CUX1: variants seen among roughly 807,000 people sequenced by gnomAD.
CUX1 encodes protein CASP.
Under a neutral mutation model 158.8 loss-of-function variants are expected in CUX1, and 31 were observed. The ratio of observed to expected loss-of-function variants is 0.20; its 90% CI spans 0.15 to 0.26. CUX1 has a LOEUF of 0.26. Ranked by LOEUF, CUX1 falls within the 10% of genes least tolerant of loss-of-function variation. CUX1 has a pLI of 1.00. For synonymous variants in CUX1, 879 were observed against 862.1 expected (o/e 1.02, Z -0.34); for missense variants, 1,589 against 2,014.6 (o/e 0.79, Z 4.04).
Position 102,257,579 on chromosome 7 carries a change from G to A in CUX1, c.*8537G>A. On this transcript the variant is annotated 3_prime_UTR_variant, in exon 24 of 24. Transcript: ENST00000292535. ...ATAAGAGACCTAGTTCTTTGCGTTT[G>A]TGCAATAACTCTTTGCTGCTTGCCT... The A allele has an allele frequency of 1.0e-6, 1 of 985,374 alleles. No individual in the cohort carries two copies. The highest frequency in any genetic ancestry group is 1.2e-6 in the Non-Finnish European group (1 of 829,930). The allele number at this position is 985,374 out of a possible 1,614,324, so 61.0% of individuals were successfully genotyped here.
rs1792016659 is a variant in CUX1 at position 101,817,653 on chromosome 7, C to T, written c.14C>T (p.Ala5Val). Reference sequence around the variant, plus strand: ...TCTGCCAGGTGGATGTTGTGCGTAGCCGGAGCCAGGTTGAAGGTGAGCGGC... The same window carrying T: ...TCTGCCAGGTGGATGTTGTGCGTAGTCGGAGCCAGGTTGAAGGTGAGCGGC... MLCV[A>V]GARLKRELDA... The change falls in exon 1 of 24, where the codon GCC (alanine) becomes GTC (valine). Residue 5 changes from alanine to valine, a missense_variant. This residue lies in a region of CUX1 where 63 missense variants were observed against 109.2 expected (regional missense o/e 0.58). Coordinates refer to ENST00000292535, the MANE Select transcript of CUX1 (RefSeq NM_181552.4). The surrounding 1 kb of genome is among the most constrained non-coding windows in gnomAD (Gnocchi z 4.1). The T allele has an allele frequency of 9.7e-6, 15 of 1,552,220 alleles. No homozygotes were observed. The highest frequency in any genetic ancestry group is 1.3e-5 in the Non-Finnish European group (15 of 1,147,784).
chr7:102,254,344 C>G lies in CUX1; in HGVS notation c.*5302C>G. ...GGAACACTGTAGCTCTTGGGTGTCT[C>G]TTGTCTCTGGCATGGTTTTAGCGTC... On this transcript the variant is annotated 3_prime_UTR_variant, in exon 24 of 24. Coordinates refer to ENST00000292535, the MANE Select transcript of CUX1 (RefSeq NM_181552.4). 1 of 985,476 alleles carries G rather than the reference C, an allele frequency of 1.0e-6. No individual in the cohort carries two copies. The highest frequency in any genetic ancestry group is 1.2e-6 in the Non-Finnish European group (1 of 829,996). The allele number at this position is 985,476 out of a possible 1,614,324, so 61.0% of individuals were successfully genotyped here.
chr7:101,885,126 G>A (rs1377744128), intron 1 of CUX1, among the ~76,000 whole-genome samples: 1 of 152,196 alleles, frequency 6.6e-6, no homozygotes, highest in Non-Finnish European at 1.5e-5. Flanking sequence ...ACATTTTGAG[G>A]TCTGTCTCCT....
At chr7:102,004,524 T>C (rs539654937) in intron 2 of CUX1, among the ~76,000 whole-genome samples, 4 of 152,192 alleles carry the variant, frequency 2.6e-5, no homozygotes, top group Admixed American at 6.6e-5. Context: ...CAATAAACTT[T>C]CATTCCAAGA....
chr7:101,834,889 A>G (rs542199597), intron 1 of CUX1, among the ~76,000 whole-genome samples: 1 of 152,114 alleles, frequency 6.6e-6, no homozygotes, highest in South Asian at 2.1e-4. Flanking sequence ...CCAGCTACTC[A>G]GGAGGCTGAG....
chr7:102,134,318 C>CA (rs1417639124), intron 8 of CUX1, among the ~76,000 whole-genome samples: 3 of 152,160 alleles, frequency 2.0e-5, no homozygotes, highest in Non-Finnish European at 4.4e-5. Context: ...GCCTGGGCAA[C>CA]AGAGCTAGAC....
At chr7:102,217,357 G>A (rs782567833) in intron 20 of CUX1, among the ~76,000 whole-genome samples, 4 of 152,226 alleles carry the variant, frequency 2.6e-5, no homozygotes, top group Non-Finnish European at 4.4e-5. Flanking sequence ...TTTCCACTCC[G>A]AATCCCCGGC....
rs1322129668 is a variant in CUX1 at position 102,132,317 on chromosome 7, G to GCA, written c.674+17045_674+17046insAC. Among the ~76,000 whole-genome samples the GCA allele has an allele frequency of 1.2e-3, 61 of 51,364 alleles. 1 individual carries two copies. Among genetic ancestry groups the GCA allele is most frequent in the Admixed American group, 2.2e-3 (12 of 5,462 alleles). 33.7% of individuals were successfully genotyped at this position (51,364 alleles called of 152,430 possible). On this transcript the variant is annotated intron_variant, in intron 8 of 23. Coordinates refer to ENST00000292535, the MANE Select transcript of CUX1 (RefSeq NM_181552.4). ...AGTGTGTGTGTGTGTGTGCGCGCGC[G>GCA]CGCGCGCACGCCACGCACACACGCA...
chr7:101,895,482 A>G (rs929117878), intron 1 of CUX1, among the ~76,000 whole-genome samples: 1 of 152,040 alleles, frequency 6.6e-6, no homozygotes, highest in African/African-American at 2.4e-5. Flanking sequence ...TCTGGACAGT[A>G]TTGGAAATAA....
chr7:102,258,400 G>A (rs1247014309), downstream of CUX1, among the ~76,000 whole-genome samples: 19 of 152,120 alleles, frequency 1.2e-4, no homozygotes, highest in African/African-American at 2.7e-4. Flanking sequence ...ACAGAAAACC[G>A]TGTGGTTCTA....
intron 22 of CUX1, chr7:102,282,904 T>G: frequency 1.9e-5 from 10 of 519,968 alleles, no homozygotes; most frequent in Non-Finnish European, 2.8e-5. Flanking sequence ...ATTCTGGCCC[T>G]CCCCCTACCC....
At chr7:102,106,090 T>C (rs1447334807) in intron 6 of CUX1, among the ~76,000 whole-genome samples, 3 of 128,242 alleles carry the variant, frequency 2.3e-5, no homozygotes, top group South Asian at 2.8e-4. Flanking sequence ...TTTTTTTTTT[T>C]TTTTTTTTTT....
At chr7:102,132,308 TGCGCGCGCGCGC>T (rs369163250) in intron 8 of CUX1, among the ~76,000 whole-genome samples, 1 of 57,058 alleles carries the variant, frequency 1.8e-5, no homozygotes, top group African/African-American at 5.1e-5. Flanking sequence ...TGTGTGTGTG[TGCGCGCGCGCGC>T]GCGCACGCCA....
chr7:101,826,682 C>G (rs768184469), intron 1 of CUX1, among the ~76,000 whole-genome samples: 1 of 152,108 alleles, frequency 6.6e-6, no homozygotes, highest in Non-Finnish European at 1.5e-5. Context: ...GCTTGGAAGG[C>G]GGGTCGGGGA....
At chr7:102,065,185 G>A (rs570687593) in intron 3 of CUX1, among the ~76,000 whole-genome samples, 84 of 151,856 alleles carry the variant, frequency 5.5e-4, no homozygotes, top group Non-Finnish European at 1.1e-3. Flanking sequence ...GGGCCCAAGC[G>A]ATCCTCCCAC....
In CUX1 at chr7:102,251,444, T is replaced by C; in HGVS notation, c.*2402T>C. 1.0e-6 allele frequency: 1 copy of C among 985,384 alleles called. No individual in the cohort carries two copies. 61.0% of individuals were successfully genotyped at this position (985,384 alleles called of 1,614,324 possible). A position where few individuals can be genotyped will look rare whatever the true frequency, so the allele number is the denominator to read the frequency against. ...TTCACGTTTTCACAAATTTCAAGAG[T>C]CACTACACTAAAGACAATGCCTTTT... On this transcript the variant is annotated 3_prime_UTR_variant, in exon 24 of 24. Transcript: ENST00000292535.
intron 16 of CUX1, chr7:102,275,123 C>G (rs1401333991): frequency 4.4e-6 from 3 of 682,500 alleles, no homozygotes; most frequent in Non-Finnish European, 7.6e-6. Context: ...GAGTCAGACA[C>G]CATGTGGCTT....
intron 3 of CUX1, among the ~76,000 whole-genome samples, chr7:102,048,849 A>G (rs942489222): frequency 6.6e-6 from 1 of 151,890 alleles, no homozygotes; most frequent in African/African-American, 2.4e-5. Flanking sequence ...AAATAAAGGG[A>G]ATTTGACATA....
Position 101,817,644 on chromosome 7 carries a change from T to C in CUX1, c.5T>C (p.Leu2Ser), listed in dbSNP as rs1477929719. ...CCCCGGGACTCTGCCAGGTGGATGT[T>C]GTGCGTAGCCGGAGCCAGGTTGAAG... M[L>S]CVAGARLKRE... The change falls in exon 1 of 24, where the codon TTG (leucine) becomes TCG (serine). Residue 2 changes from leucine (L) to serine (S), a missense_variant. This residue lies in a region of CUX1 where 63 missense variants were observed against 109.2 expected (regional missense o/e 0.58). Coordinates refer to ENST00000292535, the MANE Select transcript of CUX1 (RefSeq NM_181552.4). The surrounding 1 kb of genome is among the most constrained non-coding windows in gnomAD (Gnocchi z 4.1). The C allele has an allele frequency of 1.3e-6, 2 of 1,551,882 alleles. No homozygotes were observed. The highest frequency in any genetic ancestry group is 4.9e-5 in the East Asian group (2 of 41,094).
Sources: allele counts gnomAD v4.1 joint callset (sites outside exome capture counted in the v4.1 genomes callset), GRCh38; gene constraint gnomAD v4.1.1; regional missense constraint gnomAD v4.1.1; non-coding constraint Gnocchi (gnomAD v3.1); transcripts MANE v1.5; gene names NCBI Gene and HGNC (gene_info 2026-07-23, HGNC 2026-07-21).